The following CNTNAP2 variants were observed in gnomAD, a reference collection of about 807,000 sequenced individuals.
CNTNAP2 encodes the protein contactin associated protein 2.
CNTNAP2 carries 98 observed loss-of-function variants against 155.2 expected under a neutral mutation model. The observed-to-expected ratio is 0.63, with a 90% CI of 0.54 to 0.75. The LOEUF is 0.75. Ranked by LOEUF, CNTNAP2 falls within the 30% of genes least tolerant of loss-of-function variation. The pLI, the probability that CNTNAP2 is intolerant of heterozygous loss-of-function variation, is 0.00. For missense variants in CNTNAP2, 1,727 were observed against 1,688.1 expected (o/e 1.02, Z -0.40); for synonymous variants, 651 against 631.2 (o/e 1.03, Z -0.47).
At chr7:146,847,828 T>C (rs1206645422) in intron 3 of CNTNAP2, among the ~76,000 whole-genome samples, 1 of 152,170 alleles carries the variant, frequency 6.6e-6, no homozygotes, top group Non-Finnish European at 1.5e-5. Context: ...ATATGAATTG[T>C]GCCTGGAAAG....
intron 11 of CNTNAP2, among the ~76,000 whole-genome samples, chr7:147,543,189 A>T (rs1380646080): frequency 6.6e-6 from 1 of 152,252 alleles, no homozygotes; most frequent in South Asian, 2.1e-4. Flanking sequence ...CTCATGGGAA[A>T]CAAAGGGATG....
At chr7:148,413,356 C>A (rs1403158447) in intron 23 of CNTNAP2, among the ~76,000 whole-genome samples, 1 of 134,296 alleles carries the variant, frequency 7.4e-6, no homozygotes, top group African/African-American at 2.8e-5. Context: ...CGTGCCATTG[C>A]ACTCCAGCCT....
chr7:147,901,584 G>A (rs1936589639), intron 13 of CNTNAP2, among the ~76,000 whole-genome samples: 1 of 152,084 alleles, frequency 6.6e-6, no homozygotes, highest in South Asian at 2.1e-4. Context: ...TTACCTTTCT[G>A]TCTTTTTACA....
At chr7:148,356,474 G>A (rs761862760) in intron 21 of CNTNAP2, among the ~76,000 whole-genome samples, 3 of 152,180 alleles carry the variant, frequency 2.0e-5, no homozygotes, top group Non-Finnish European at 4.4e-5. Context: ...GAAAGCCGTG[G>A]CTCCTGCTCC....
At chr7:146,436,224 A>C (rs553605603) in intron 1 of CNTNAP2, among the ~76,000 whole-genome samples, 2 of 152,228 alleles carry the variant, frequency 1.3e-5, no homozygotes, top group South Asian at 4.1e-4. Flanking sequence ...GTTTTTTGTG[A>C]TGGGTAAGTG....
intron 1 of CNTNAP2, among the ~76,000 whole-genome samples, chr7:146,389,313 A>G (rs2129106303): frequency 6.6e-6 from 1 of 152,174 alleles, no homozygotes. Flanking sequence ...TCTGTGTTTT[A>G]GTTTTGCTTC....
chr7:147,849,140 C>T (rs1389740893), intron 13 of CNTNAP2, among the ~76,000 whole-genome samples: 2 of 152,064 alleles, frequency 1.3e-5, no homozygotes, highest in East Asian at 3.8e-4. Flanking sequence ...ATTCTGTTGC[C>T]ATTTTATAAC....
intron 1 of CNTNAP2, among the ~76,000 whole-genome samples, chr7:146,569,135 G>A (rs1294101297): frequency 1.3e-5 from 2 of 152,108 alleles, no homozygotes; most frequent in Admixed American, 6.5e-5. Context: ...TCCTGCCTCA[G>A]CCTCCCAAGT....
chr7:147,784,494 A>T (rs1414147460), intron 13 of CNTNAP2, among the ~76,000 whole-genome samples: 77 of 44,978 alleles, frequency 1.7e-3, no homozygotes, highest in African/African-American at 3.0e-3. Flanking sequence ...GCTCTGGACT[A>T]ATATATATAT....
At chr7:146,423,054 T>C (rs953610878) in intron 1 of CNTNAP2, among the ~76,000 whole-genome samples, 2 of 152,112 alleles carry the variant, frequency 1.3e-5, no homozygotes, top group South Asian at 2.1e-4. Context: ...TGCTAGTTAT[T>C]TAATTATTGT....
intron 13 of CNTNAP2, among the ~76,000 whole-genome samples, chr7:147,736,098 T>A (rs1018582820): frequency 2.0e-5 from 3 of 151,024 alleles, no homozygotes; most frequent in South Asian, 2.2e-4. Context: ...CGTTAGTTGA[T>A]GCAGTTTCTT....
intron 1 of CNTNAP2, among the ~76,000 whole-genome samples, chr7:146,343,351 C>CT (rs879895434): frequency 0.01 from 1,513 of 148,058 alleles, 21 homozygotes; most frequent in African/African-American, 0.026. Flanking sequence ...CTCTCTCTGT[C>CT]TTTTTTTTTT....
chr7:148,199,736 G>A (rs567645111), intron 18 of CNTNAP2, among the ~76,000 whole-genome samples: 2 of 152,296 alleles, frequency 1.3e-5, no homozygotes, highest in East Asian at 3.9e-4. Context: ...GTTAGTCAAG[G>A]TTCTCCAAAG....
intron 13 of CNTNAP2, among the ~76,000 whole-genome samples, chr7:147,646,135 T>C (rs930336438): frequency 1.3e-5 from 2 of 152,170 alleles, no homozygotes; most frequent in Admixed American, 6.5e-5. Flanking sequence ...TTTGTTGTTG[T>C]TGTTGTTGCT....
At chr7:147,077,683 C>T (rs898261223) in intron 4 of CNTNAP2, among the ~76,000 whole-genome samples, 1 of 152,096 alleles carries the variant, frequency 6.6e-6, no homozygotes, top group Non-Finnish European at 1.5e-5. Flanking sequence ...AAATTTCAAG[C>T]TTTGACATTT....
intron 13 of CNTNAP2, among the ~76,000 whole-genome samples, chr7:147,652,976 A>G (rs1340041854): frequency 1.3e-5 from 2 of 152,160 alleles, no homozygotes; most frequent in Non-Finnish European, 2.9e-5. Context: ...TGTTTTTTCA[A>G]TATCCACTAT....
intron 15 of CNTNAP2, among the ~76,000 whole-genome samples, chr7:148,076,560 C>T (rs945060861): frequency 2.0e-5 from 3 of 151,004 alleles, no homozygotes; most frequent in African/African-American, 4.9e-5. Flanking sequence ...CTCAGCCTCC[C>T]GAGCAGCTGG....
At chr7:146,805,484 AC>A (rs1167338894) in intron 2 of CNTNAP2, among the ~76,000 whole-genome samples, 2 of 152,190 alleles carry the variant, frequency 1.3e-5, no homozygotes, top group Non-Finnish European at 2.9e-5. Flanking sequence ...GGGATGAGGA[AC>A]CACTAGCCTG....
intron 16 of CNTNAP2, among the ~76,000 whole-genome samples, chr7:148,123,345 T>C (rs1804639833): frequency 6.6e-6 from 1 of 152,116 alleles, no homozygotes; most frequent in Admixed American, 6.5e-5. Flanking sequence ...CCCAGCACTT[T>C]AGGAGGCTGA....
Sources: allele counts gnomAD v4.1 joint callset (sites outside exome capture counted in the v4.1 genomes callset), GRCh38; gene constraint gnomAD v4.1.1; transcripts MANE v1.5; gene names NCBI Gene and HGNC (gene_info 2026-07-23, HGNC 2026-07-21).